Variants in ASB10 observed in about 807,000 individuals in gnomAD.
ASB10 encodes the protein ankyrin repeat and SOCS box containing 10.
A neutral mutation model predicts 35.4 loss-of-function variants in ASB10; 44 were observed. The ratio of observed to expected loss-of-function variants is 1.24; its 90% CI spans 0.98 to 1.60. The LOEUF (loss-of-function observed/expected upper bound fraction) is 1.60, where lower values mean the gene tolerates loss of function less well. ASB10 is among the 40% of genes most tolerant of loss of function. ASB10 has a pLI of 0.00. For synonymous variants in ASB10, 294 were observed against 280.4 expected (o/e 1.05, Z -0.49); for missense variants, 647 against 634.3 (o/e 1.02, Z -0.22).
Position 151,186,533 on chromosome 7 carries a change from C to T in ASB10, c.443G>A (p.Gly148Asp). 6.2e-7 allele frequency: 1 copy of T among 1,603,524 alleles called. No individual in the cohort carries two copies. The highest frequency in any genetic ancestry group is 1.1e-5 in the South Asian group (1 of 89,440). ...RRARPDSAPG[G>D]RTALHEACAA... ...ACAGGCCTCGTGCAGGGCGGTGCGGCCCCCAGGGGCACTGTCTGGCCTTGC... is the reference window on the plus strand; with the variant it reads ...ACAGGCCTCGTGCAGGGCGGTGCGGTCCCCAGGGGCACTGTCTGGCCTTGC... Residue 148 changes from glycine (G) to aspartate (D), a missense_variant, in exon 2 of 6, where the codon GGC (glycine) becomes GAC (aspartate). Coordinates refer to ENST00000420175, the MANE Select transcript of ASB10 (RefSeq NM_001142459.2).
At position 151,183,569 on chromosome 7, in the gene ASB10, G is replaced by C. The variant is rs545745884; in HGVS notation, c.585-2111C>G. The stretch of plus-strand genomic sequence containing the variant: ...ATTACAGGTGTGCACCACCATGCCT[G>C]GCTAATTTTTGTCTGTTTGCTTGTT... On this transcript the variant is annotated intron_variant, in intron 2 of 5. Coordinates refer to ENST00000420175, the MANE Select transcript of ASB10 (RefSeq NM_001142459.2). Among the ~76,000 whole-genome samples, 13 of 152,208 alleles carry C rather than the reference G, an allele frequency of 8.5e-5. No homozygotes were observed. The East Asian group carries it at 2.3e-3, about 27-fold the overall frequency.
intron 2 of ASB10, among the ~76,000 whole-genome samples, chr7:151,185,586 A>G (rs1801574022): frequency 6.6e-6 from 1 of 152,214 alleles, no homozygotes; most frequent in South Asian, 2.1e-4. Flanking sequence ...GAGAGGGTCC[A>G]TGAAAGGAGA....
chr7:151,187,520 G>C (rs375653847), upstream of ASB10: 3 of 1,551,310 alleles, frequency 1.9e-6, no homozygotes, highest in African/African-American at 1.4e-5. This position sits in a 1 kb window ranked among gnomAD's most constrained non-coding sequence, Gnocchi z 5.3. Flanking sequence ...TGTGCTGTGC[G>C]GGGGGAACAG....
At chr7:151,181,566 C>T (rs1266046080) in intron 2 of ASB10, 108 bp from the exon 3 acceptor site, 2 of 1,433,212 alleles carry the variant, frequency 1.4e-6, no homozygotes, top group Non-Finnish European at 1.8e-6. Flanking sequence ...TCCATCCTGC[C>T]CATCACTGGT....
At position 151,175,956 on chromosome 7, in the gene ASB10, G is replaced by T. The variant is rs1468981088; in HGVS notation, c.*11C>A. On this transcript the variant is annotated 3_prime_UTR_variant, in exon 6 of 6. Coordinates refer to ENST00000420175, the MANE Select transcript of ASB10 (RefSeq NM_001142459.2). ...ATCTGCTTTCAGGCCCTCTCAAAAG[G>T]CCATGGACATCTGGAAGGAGAGGTT... 2.0e-5 allele frequency: 20 copies of T among 977,770 alleles called. No homozygotes were observed. The Admixed American group carries it at 5.9e-4, about 29-fold the overall frequency. The allele number at this position is 977,770 out of a possible 1,614,324, so 60.6% of individuals were successfully genotyped here. A position where few individuals can be genotyped will look rare whatever the true frequency, so the allele number is the denominator to read the frequency against.
intron 4 of ASB10, 31 bp downstream of exon 4, chr7:151,176,532 A>G: frequency 6.5e-7 from 1 of 1,534,446 alleles, no homozygotes; most frequent in Non-Finnish European, 8.8e-7. Context: ...CCAGGATGAG[A>G]AGCTCTATGT....
At position 151,186,383 on chromosome 7, in the gene ASB10, G is replaced by T. The variant is rs770221175; in HGVS notation, c.584+9C>A. 3 of 1,576,358 alleles carry T rather than the reference G, an allele frequency of 1.9e-6. No homozygotes were observed. Among genetic ancestry groups the T allele is most frequent in the Non-Finnish European group, 1.7e-6 (2 of 1,161,274 alleles). ...GTGGAACTGGGGGTTGGGGTGAGGGGTCACTCACTCAAGGGTGCCAGGCCC... is the reference window on the plus strand; with the variant it reads ...GTGGAACTGGGGGTTGGGGTGAGGGTTCACTCACTCAAGGGTGCCAGGCCC... On this transcript the variant is annotated intron_variant, in intron 2 of 5. Transcript: ENST00000420175.
chr7:151,183,625 G>A (rs540948381), intron 2 of ASB10, among the ~76,000 whole-genome samples: 23 of 152,036 alleles, frequency 1.5e-4, no homozygotes, highest in Non-Finnish European at 2.4e-4. Flanking sequence ...TCCCTCTTTC[G>A]CCCAGGCTGG....
chr7:151,179,439 T>C (rs528129528), intron 3 of ASB10, among the ~76,000 whole-genome samples: 1 of 152,356 alleles, frequency 6.6e-6, no homozygotes, highest in South Asian at 2.1e-4. Flanking sequence ...TGTTCCCCAG[T>C]GCTCTCCTAC....
chr7:151,187,380 C>G (rs928048369), upstream of ASB10: 11 of 1,546,588 alleles, frequency 7.1e-6, no homozygotes, highest in Admixed American at 2.0e-4. This position sits in a 1 kb window ranked among gnomAD's most constrained non-coding sequence, Gnocchi z 5.3. Flanking sequence ...TTCACTCAAG[C>G]CCTTAGGACC....
chr7:151,186,861 G>A lies in ASB10; in HGVS notation c.270C>T (p.Ser90=), dbSNP rs146732530. ...GLAPDSVFDT[S]DPERWRDFRF... is the part of the protein sequence containing the mutation. ...GGAAATCCCTCCATCGCTCTGGGTCGCTGGTATCAAAGACGGAATCAGGAG... is the reference window on the plus strand; with the variant it reads ...GGAAATCCCTCCATCGCTCTGGGTCACTGGTATCAAAGACGGAATCAGGAG... Residue 90 remains serine, a synonymous_variant, in exon 1 of 6, where the codon AGC becomes AGT. Transcript: ENST00000420175. The A allele has an allele frequency of 6.9e-5, 111 of 1,612,246 alleles. 1 individual carries two copies. Among genetic ancestry groups the A allele is most frequent in the Non-Finnish European group, 8.4e-5 (99 of 1,178,964 alleles).
chr7:151,184,238 C>G (rs1801545391), intron 2 of ASB10, among the ~76,000 whole-genome samples: 1 of 151,678 alleles, frequency 6.6e-6, no homozygotes, highest in African/African-American at 2.4e-5. Context: ...ACGGTGAAAC[C>G]CCGTCTCTAC....
intron 2 of ASB10, among the ~76,000 whole-genome samples, chr7:151,181,759 C>T (rs932110548): frequency 6.6e-6 from 1 of 151,940 alleles, no homozygotes; most frequent in African/African-American, 2.4e-5. Flanking sequence ...ATTACAGGCT[C>T]CCACCACCAC....
chr7:151,176,387 C>T (rs1401926416), intron 4 of ASB10, 90 bp from the exon 5 acceptor site: 1 of 1,481,296 alleles, frequency 6.8e-7, no homozygotes. Context: ...AGGGGTGGGG[C>T]ATCTACCGGA....
In ASB10 at chr7:151,180,973, C is replaced by T; in HGVS notation, c.1070G>A (p.Gly357Asp). The T allele has an allele frequency of 1.3e-6, 2 of 1,578,284 alleles. No individual in the cohort carries two copies. The highest frequency in any genetic ancestry group is 1.1e-5 in the South Asian group (1 of 88,954). Residue 357 changes from glycine to aspartate, a missense_variant, in exon 3 of 6, where the codon GGC becomes GAC. Physicochemically the swap from Gly to Asp is moderately conservative, Grantham distance 94. Coordinates refer to ENST00000420175, the MANE Select transcript of ASB10 (RefSeq NM_001142459.2). ...EHVVRALLNH[G>D]AVRVWPGALP... ...GGCCCCTGGCCAGACACGGACGGCG[C>T]CATGGTTGAGCAGAGCCCGAACCAC... is the stretch of plus-strand genomic sequence containing the variant.
intron 3 of ASB10, among the ~76,000 whole-genome samples, chr7:151,178,630 GT>G (rs1801432443): frequency 6.6e-6 from 1 of 152,226 alleles, no homozygotes. Flanking sequence ...AGCGGTGGGG[GT>G]TTAACAGACT....
In ASB10 at chr7:151,186,419, T is replaced by C. The variant is rs766994929; in HGVS notation, c.557A>G (p.His186Arg). 29 of 1,587,840 alleles carry C rather than the reference T, an allele frequency of 1.8e-5. No homozygotes were observed. The highest frequency in any genetic ancestry group is 2.3e-5 in the Non-Finnish European group (27 of 1,167,408). ...IADQDGKRPL[H>R]LCRGPGTLEC... ...AAGGGTGCCAGGCCCCCGGCAGAGATGCAGGGGGCGTTTCCCATCCTGGTC... is the reference window on the plus strand; with the variant it reads ...AAGGGTGCCAGGCCCCCGGCAGAGACGCAGGGGGCGTTTCCCATCCTGGTC... Residue 186 changes from histidine (H) to arginine (R), a missense_variant, in exon 2 of 6, where the codon CAT becomes CGT. His to Arg is a conservative substitution (Grantham distance 29). Transcript: ENST00000420175.
At chr7:151,181,895 G>A (rs1189960345) in intron 2 of ASB10, among the ~76,000 whole-genome samples, 1 of 152,192 alleles carries the variant, frequency 6.6e-6, no homozygotes, top group East Asian at 1.9e-4. Context: ...TTATAGGCAT[G>A]AGCCACTGTG....
chr7:151,181,106 G>A lies in ASB10; in HGVS notation c.937C>T (p.Leu313Phe). The A allele has an allele frequency of 1.2e-6, 2 of 1,612,344 alleles. No homozygotes were observed. The highest frequency in any genetic ancestry group is 1.7e-6 in the Non-Finnish European group (2 of 1,179,702). Residue 313 changes from leucine to phenylalanine, a missense_variant, in exon 3 of 6, where the codon CTC becomes TTC. Coordinates refer to ENST00000420175, the MANE Select transcript of ASB10 (RefSeq NM_001142459.2). ...RRGHAAVVEL[L>F]LSCGVSANTM... ...TTGGCGCTGACACCACAGGACAGGAGCAGCTCCACGACAGCTGCATGGCCA... is the reference window on the plus strand; with the variant it reads ...TTGGCGCTGACACCACAGGACAGGAACAGCTCCACGACAGCTGCATGGCCA...
Sources: allele counts gnomAD v4.1 joint callset (sites outside exome capture counted in the v4.1 genomes callset), GRCh38; gene constraint gnomAD v4.1.1; non-coding constraint Gnocchi (gnomAD v3.1); transcripts MANE v1.5; gene names NCBI Gene and HGNC (gene_info 2026-07-23, HGNC 2026-07-21).